The following MYO1E variants were observed in gnomAD, a reference collection of about 807,000 sequenced individuals.
MYO1E encodes myosin IE.
A neutral mutation model predicts 151.1 loss-of-function variants in MYO1E; 68 were observed. That is an observed-to-expected ratio of 0.45 (90% CI 0.37 to 0.55). The LOEUF (loss-of-function observed/expected upper bound fraction) is 0.55. MYO1E is among the 20% of genes least tolerant of loss of function. The pLI is 0.00. For synonymous variants in MYO1E, 601 were observed against 501.7 expected, an observed-to-expected ratio of 1.20 and a Z score of -2.64; for missense variants, 1,363 against 1,389.3, an observed-to-expected ratio of 0.98 and a Z score of 0.30.
intron 1 of MYO1E, among the ~76,000 whole-genome samples, chr15:59,301,456 C>T (rs187361214): frequency 1.3e-5 from 2 of 152,346 alleles, no homozygotes; most frequent in South Asian, 2.1e-4. Context: ...GAAAGCCAGC[C>T]TTCTTTTGAG....
At chr15:59,183,461 G>A (rs2079676856) in intron 18 of MYO1E, among the ~76,000 whole-genome samples, 1 of 151,754 alleles carries the variant, frequency 6.6e-6, no homozygotes, top group African/African-American at 2.4e-5. Context: ...CAGCCTCCCA[G>A]TGTTCTGGGA....
At chr15:59,156,609 G>T (rs183492087) in intron 25 of MYO1E, among the ~76,000 whole-genome samples, 1 of 152,192 alleles carries the variant, frequency 6.6e-6, no homozygotes, top group East Asian at 1.9e-4. Context: ...GATTACAGGC[G>T]TAAGCCACCA....
intron 1 of MYO1E, among the ~76,000 whole-genome samples, chr15:59,354,039 T>A (rs545799729): frequency 6.6e-6 from 1 of 152,328 alleles, no homozygotes; most frequent in East Asian, 1.9e-4. Flanking sequence ...AACCCCCATT[T>A]GGAGAAAGCC....
intron 2 of MYO1E, among the ~76,000 whole-genome samples, chr15:59,271,758 T>C (rs2080290260): frequency 6.6e-6 from 1 of 152,244 alleles, no homozygotes; most frequent in South Asian, 2.1e-4. Context: ...CATTTTTAAG[T>C]CTTTTAAGTG....
chr15:59,365,238 C>T (rs764996428), intron 1 of MYO1E, among the ~76,000 whole-genome samples: 6 of 151,988 alleles, frequency 3.9e-5, no homozygotes, highest in African/African-American at 1.2e-4. Context: ...AGGCTGGTCT[C>T]GGACTTCTGA....
intron 15 of MYO1E, 131 bp downstream of exon 15, chr15:59,205,269 C>T (rs2079825991): frequency 1.1e-6 from 1 of 909,020 alleles, no homozygotes; most frequent in East Asian, 2.4e-5. Context: ...ATCAAGTGAT[C>T]CTCCTGCCTT....
At chr15:59,161,004 T>G (rs1175739216) in intron 24 of MYO1E, 69 bp downstream of exon 24, 1 of 1,589,512 alleles carries the variant, frequency 6.3e-7, no homozygotes, top group Non-Finnish European at 8.6e-7. Context: ...TGCACATGTT[T>G]GCAGCATTTG....
chr15:59,327,023 G>A (rs1420362156), intron 1 of MYO1E, among the ~76,000 whole-genome samples: 1 of 152,222 alleles, frequency 6.6e-6, no homozygotes, highest in African/African-American at 2.4e-5. Flanking sequence ...CCTGCACCCA[G>A]AGGAACTGGA....
intron 26 of MYO1E, among the ~76,000 whole-genome samples, chr15:59,149,095 C>T (rs531661288): frequency 6.0e-5 from 8 of 134,128 alleles, no homozygotes; most frequent in South Asian, 2.5e-4. Flanking sequence ...CTTGCTCTGT[C>T]GCCCAGGCTG....
At chr15:59,360,196 G>A (rs919438138) in intron 1 of MYO1E, among the ~76,000 whole-genome samples, 6 of 152,030 alleles carry the variant, frequency 3.9e-5, no homozygotes, top group East Asian at 1.9e-4. Flanking sequence ...AATTTTTCAC[G>A]TCCTGTACAA....
rs561882737 is a variant in MYO1E, at chr15:59,354,277, A to G, written c.3+18221T>C. On this transcript the variant is annotated intron_variant, in intron 1 of 27. Transcript: ENST00000288235. ...GAGGAGAGCAATACCAGATTCCTCT[A>G]GCACAGGTGGATGGCACGTTGGCTT... is the stretch of plus-strand genomic sequence containing the variant. 2.0e-5 allele frequency among the ~76,000 whole-genome samples: 3 copies of G among 152,386 alleles called. No homozygotes were observed. The South Asian group carries it at 6.2e-4, about 32-fold the overall frequency.
At chr15:59,338,687 G>GGA (rs1248205119) in intron 1 of MYO1E, among the ~76,000 whole-genome samples, 1 of 152,022 alleles carries the variant, frequency 6.6e-6, no homozygotes, top group African/African-American at 2.4e-5. Context: ...ACAGGCAGGA[G>GGA]GAGCAAGGTC....
At chr15:59,342,550 T>C (rs1368616039) in intron 1 of MYO1E, among the ~76,000 whole-genome samples, 1 of 152,246 alleles carries the variant, frequency 6.6e-6, no homozygotes, top group African/African-American at 2.4e-5. Context: ...TCCTTGGGTC[T>C]TGCTTTTTAT....
chr15:59,280,237 A>G (rs569821360), intron 1 of MYO1E, among the ~76,000 whole-genome samples: 1 of 152,256 alleles, frequency 6.6e-6, no homozygotes, highest in African/African-American at 2.4e-5. Flanking sequence ...ATCAATGAAC[A>G]GTTCAAAGAT....
At chr15:59,154,287 CG>C (rs2079498270) in intron 25 of MYO1E, among the ~76,000 whole-genome samples, 1 of 152,202 alleles carries the variant, frequency 6.6e-6, no homozygotes, top group Non-Finnish European at 1.5e-5. Flanking sequence ...TGGGCATCCA[CG>C]GCAGGAGCCT....
rs548517013 is a variant in MYO1E, at chr15:59,294,114, G to C, written c.4-21665C>G. 9.8e-5 allele frequency among the ~76,000 whole-genome samples: 15 copies of C among 152,310 alleles called. 1 individual carries two copies. In the East Asian group the frequency reaches 2.1e-3, roughly 22 times the overall value. ...ATACTCAGTTCCCACTGGAAAGAGC[G>C]TCTGGCTGGCTTCCACCCTGATTGT... is the stretch of plus-strand genomic sequence containing the variant. On this transcript the variant is annotated intron_variant, in intron 1 of 27. Transcript: ENST00000288235.
intron 2 of MYO1E, among the ~76,000 whole-genome samples, chr15:59,263,003 A>G (rs2080233002): frequency 6.7e-6 from 1 of 149,774 alleles, no homozygotes; most frequent in South Asian, 2.2e-4. Flanking sequence ...GAGAATAAAT[A>G]TAACTTCTTG....
intron 25 of MYO1E, among the ~76,000 whole-genome samples, chr15:59,156,115 G>T (rs1273577802): frequency 6.6e-6 from 1 of 152,168 alleles, no homozygotes; most frequent in African/African-American, 2.4e-5. Context: ...TCCCACTTCA[G>T]CCTCCTGAGT....
At chr15:59,352,969 G>A (rs1169121539) in intron 1 of MYO1E, among the ~76,000 whole-genome samples, 1 of 152,112 alleles carries the variant, frequency 6.6e-6, no homozygotes, top group African/African-American at 2.4e-5. Flanking sequence ...TCGACCACAT[G>A]ATTTCCTAGC....
Sources: gnomAD v4.1 joint callset for allele counts (sites outside exome capture counted in the v4.1 genomes callset) on GRCh38, gnomAD v4.1.1 for gene constraint, MANE v1.5 for transcripts, NCBI Gene and HGNC (gene_info 2026-07-23, HGNC 2026-07-21) for gene names.